Variants in MAF observed in about 807,000 individuals in gnomAD.
The protein encoded by MAF is MAF bZIP transcription factor, also known as transcription factor Maf.
Under a neutral mutation model 22.0 loss-of-function variants are expected in MAF, and 10 were observed. That is an observed-to-expected ratio of 0.45 (90% CI 0.28 to 0.77). The LOEUF (loss-of-function observed/expected upper bound fraction) is 0.77, where lower values mean the gene tolerates loss of function less well. Ranked by LOEUF, MAF falls within the 30% of genes least tolerant of loss-of-function variation. The probability of loss-of-function intolerance (pLI) is 0.12; values close to 1 mark genes in which losing one functional copy is unlikely to be tolerated. For synonymous variants in MAF, 337 were observed against 255.8 expected (o/e 1.32, Z -3.03); for missense variants, 544 against 548.4 (o/e 0.99, Z 0.08).
At chr16:79,598,525 C>CA in intron 1 of MAF, 1 of 1,402,256 alleles carries the variant, frequency 7.1e-7, no homozygotes, top group Non-Finnish European at 9.3e-7. Flanking sequence ...GCCAGACACC[C>CA]ATTCCCTCCC....
chr16:79,502,689 AAATATAAATATAAATATAAATAT>A, the MAF span, among the ~76,000 whole-genome samples: 28 of 16,830 alleles, frequency 1.7e-3, no homozygotes, highest in Middle Eastern at 0.031. Flanking sequence ...ATATAAATAT[AAATATAAATATAAATATAAATAT>A]ATATATATAT....
the MAF span, among the ~76,000 whole-genome samples, chr16:79,460,958 G>T: frequency 6.6e-6 from 1 of 151,978 alleles, no homozygotes; most frequent in East Asian, 1.9e-4. Flanking sequence ...CAAACTTGTA[G>T]TAATCTGAGT....
At chr16:79,549,963 A>T in the MAF span, among the ~76,000 whole-genome samples, 1 of 152,140 alleles carries the variant, frequency 6.6e-6, no homozygotes, top group Non-Finnish European at 1.5e-5. Context: ...GAGATACTAC[A>T]CAAAGACAAT....
the MAF span, among the ~76,000 whole-genome samples, chr16:79,574,531 G>A: frequency 2.0e-5 from 3 of 152,120 alleles, no homozygotes; most frequent in Non-Finnish European, 4.4e-5. Context: ...TTCAAGTGCT[G>A]GCTCTGGGAT....
the MAF span, among the ~76,000 whole-genome samples, chr16:79,407,948 G>A: frequency 1.3e-5 from 2 of 152,012 alleles, no homozygotes; most frequent in Non-Finnish European, 1.5e-5. Context: ...CCAGGAATGA[G>A]TATCAAGGAT....
At chr16:79,542,297 G>T in the MAF span, among the ~76,000 whole-genome samples, 1 of 152,158 alleles carries the variant, frequency 6.6e-6, no homozygotes, top group Non-Finnish European at 1.5e-5. Context: ...TTCTCAGCCA[G>T]TGGTGGCCTC....
At chr16:79,405,232 C>T in the MAF span, among the ~76,000 whole-genome samples, 1 of 152,172 alleles carries the variant, frequency 6.6e-6, no homozygotes, top group Non-Finnish European at 1.5e-5. Context: ...TTCTGAGATA[C>T]TACCCTTTGA....
chr16:79,232,392 C>T, the MAF span, among the ~76,000 whole-genome samples: 87 of 152,082 alleles, frequency 5.7e-4, no homozygotes, highest in East Asian at 1.5e-3. Flanking sequence ...GTTATTGATA[C>T]GACTTTTGGT....
chr16:79,244,246 T>C, the MAF span, among the ~76,000 whole-genome samples: 1 of 151,882 alleles, frequency 6.6e-6, no homozygotes, highest in Non-Finnish European at 1.5e-5. Flanking sequence ...AAATAAAGGG[T>C]ATTCAAATAG....
At chr16:79,520,714 G>A in the MAF span, among the ~76,000 whole-genome samples, 1 of 152,116 alleles carries the variant, frequency 6.6e-6, no homozygotes, top group Non-Finnish European at 1.5e-5. Context: ...CCTGTGCTTG[G>A]GTGGTCTTGG....
At chr16:79,441,968 G>A in the MAF span, among the ~76,000 whole-genome samples, 288 of 152,344 alleles carry the variant, frequency 1.9e-3, no homozygotes, top group Middle Eastern at 0.02. Flanking sequence ...AAGGTCATGT[G>A]AAGGCTATAG....
the MAF span, among the ~76,000 whole-genome samples, chr16:79,491,974 A>T: frequency 6.6e-6 from 1 of 152,198 alleles, no homozygotes; most frequent in Non-Finnish European, 1.5e-5. Flanking sequence ...GGAACTGACA[A>T]TGAGGGCCTG....
At chr16:79,511,887 G>A in the MAF span, among the ~76,000 whole-genome samples, 8 of 152,044 alleles carry the variant, frequency 5.3e-5, no homozygotes, top group African/African-American at 1.9e-4. Flanking sequence ...CCTCTGCTTC[G>A]GTCTGCAAAC....
At chr16:79,402,831 T>G in the MAF span, among the ~76,000 whole-genome samples, 6 of 152,232 alleles carry the variant, frequency 3.9e-5, no homozygotes, top group South Asian at 1.2e-3. Context: ...TGCCTGGGTG[T>G]CCATGGGGGA....
chr16:79,358,517 C>G, the MAF span, among the ~76,000 whole-genome samples: 2 of 152,168 alleles, frequency 1.3e-5, no homozygotes, highest in African/African-American at 4.8e-5. Flanking sequence ...CTGGATAGCT[C>G]CCGGGGCAGG....
the MAF span, among the ~76,000 whole-genome samples, chr16:79,207,811 T>A: frequency 6.6e-6 from 1 of 152,216 alleles, no homozygotes; most frequent in South Asian, 2.1e-4. Flanking sequence ...TACCATATAT[T>A]GTTTATCAGA....
chr16:79,212,557 AATCCCTTT>A, the MAF span: 1 of 167,716 alleles, frequency 6.0e-6, no homozygotes, highest in East Asian at 1.6e-4. Flanking sequence ...AACGTTAGTT[AATCCCTTT>A]GTCTGTCAAT....
the MAF span, among the ~76,000 whole-genome samples, chr16:79,252,418 C>T: frequency 6.6e-6 from 1 of 152,172 alleles, no homozygotes. Flanking sequence ...TATATAACAA[C>T]AGGCTCAATG....
chr16:79,489,733 C>T, the MAF span, among the ~76,000 whole-genome samples: 3 of 152,196 alleles, frequency 2.0e-5, no homozygotes, highest in African/African-American at 7.2e-5. Flanking sequence ...GAAGGCAAAG[C>T]TTCAGGGTAC....
Sources: allele counts gnomAD v4.1 joint callset (sites outside exome capture counted in the v4.1 genomes callset), GRCh38; gene constraint gnomAD v4.1.1; transcripts MANE v1.5; gene names NCBI Gene and HGNC (gene_info 2026-07-23, HGNC 2026-07-21).